The following CDH12 variants were observed in gnomAD, a reference collection of about 807,000 sequenced individuals.
CDH12 encodes the protein cadherin-12.
A neutral mutation model predicts 74.1 loss-of-function variants in CDH12; 41 were observed. The observed-to-expected ratio is 0.55, with a 90% CI of 0.43 to 0.72. CDH12 has a LOEUF of 0.72. Ranked by LOEUF, CDH12 falls within the 30% of genes least tolerant of loss-of-function variation. The pLI is 0.00. For missense variants in CDH12, 945 were observed against 977.2 expected, an observed-to-expected ratio of 0.97 and a Z score of 0.44; for synonymous variants, 399 against 355.0, an observed-to-expected ratio of 1.12 and a Z score of -1.39.
chr5:21,993,932 T>A (rs917703296), intron 5 of CDH12, among the ~76,000 whole-genome samples: 2 of 152,114 alleles, frequency 1.3e-5, no homozygotes, highest in Admixed American at 1.3e-4. Context: ...TAAAGAGAAT[T>A]TTTATTTCTC....
intron 1 of CDH12, among the ~76,000 whole-genome samples, chr5:22,558,219 G>C (rs538907236): frequency 6.6e-6 from 1 of 152,120 alleles, no homozygotes; most frequent in African/African-American, 2.4e-5. Flanking sequence ...TCTTGTATCA[G>C]AGGTAGAAGT....
chr5:21,761,352 G>A (rs529221949), intron 12 of CDH12, among the ~76,000 whole-genome samples: 1 of 152,168 alleles, frequency 6.6e-6, no homozygotes, highest in East Asian at 1.9e-4. Context: ...TAACTTCTGA[G>A]AATCAACCTG....
intron 4 of CDH12, among the ~76,000 whole-genome samples, chr5:22,111,956 A>C (rs1744839795): frequency 6.6e-6 from 1 of 152,146 alleles, no homozygotes; most frequent in South Asian, 2.1e-4. Flanking sequence ...AAGACATAAA[A>C]ATAATGTAAT....
chr5:22,495,656 A>G (rs1260791475), intron 2 of CDH12, among the ~76,000 whole-genome samples: 1 of 152,228 alleles, frequency 6.6e-6, no homozygotes, highest in East Asian at 1.9e-4. Context: ...CATTTAAGAC[A>G]TTTCATTAAA....
chr5:22,623,023 A>G (rs1310502315), intron 1 of CDH12, among the ~76,000 whole-genome samples: 1 of 152,222 alleles, frequency 6.6e-6, no homozygotes, highest in Non-Finnish European at 1.5e-5. Flanking sequence ...AACATACGCA[A>G]ATCAATAAAC....
intron 1 of CDH12, among the ~76,000 whole-genome samples, chr5:22,692,599 A>G (rs1399548617): frequency 6.6e-6 from 1 of 152,186 alleles, no homozygotes; most frequent in Non-Finnish European, 1.5e-5. Flanking sequence ...CTTGGGCTAC[A>G]AATGGGACTG....
At chr5:21,805,359 A>G (rs181880534) in intron 9 of CDH12, among the ~76,000 whole-genome samples, 2 of 152,296 alleles carry the variant, frequency 1.3e-5, no homozygotes, top group East Asian at 3.9e-4. Context: ...TGAAAGGAGA[A>G]TTTTGAAACC....
chr5:22,613,425 T>C (rs761783530), intron 1 of CDH12, among the ~76,000 whole-genome samples: 2 of 152,036 alleles, frequency 1.3e-5, no homozygotes, highest in Non-Finnish European at 2.9e-5. Context: ...AACTGTACAG[T>C]GGGCATACTC....
At chr5:22,434,994 A>T (rs1213695520) in intron 2 of CDH12, among the ~76,000 whole-genome samples, 3 of 152,086 alleles carry the variant, frequency 2.0e-5, no homozygotes, top group African/African-American at 4.8e-5. Context: ...GGCTGAACTA[A>T]CTTAGTGGGG....
intron 1 of CDH12, among the ~76,000 whole-genome samples, chr5:22,824,584 T>C (rs1042808633): frequency 6.6e-6 from 1 of 152,068 alleles, no homozygotes; most frequent in African/African-American, 2.4e-5. Flanking sequence ...TAAATGTGCA[T>C]GATAAATTAC....
chr5:22,613,932 C>T (rs1737552072), intron 1 of CDH12, among the ~76,000 whole-genome samples: 1 of 151,984 alleles, frequency 6.6e-6, no homozygotes, highest in Non-Finnish European at 1.5e-5. Context: ...ATTTCAATTA[C>T]AAAATGAATA....
chr5:22,836,223 C>CTTTTTTTTTTTTTTTTTTTCTTTTTTTT (rs61616737), intron 1 of CDH12, among the ~76,000 whole-genome samples: 1 of 65,506 alleles, frequency 1.5e-5, no homozygotes, highest in Non-Finnish European at 2.6e-5. Flanking sequence ...CTTTCTTTCT[C>CTTTTTTTTTTTTTTTTTTTCTTTTTTTT]TTTTTTTTTT....
At chr5:22,477,528 G>C (rs569466569) in intron 2 of CDH12, among the ~76,000 whole-genome samples, 2 of 152,168 alleles carry the variant, frequency 1.3e-5, no homozygotes, top group African/African-American at 4.8e-5. Context: ...TGCTATTGTG[G>C]ATAGTACTGC....
At chr5:22,585,480 C>T (rs1740339503) in intron 1 of CDH12, among the ~76,000 whole-genome samples, 1 of 152,110 alleles carries the variant, frequency 6.6e-6, no homozygotes, top group African/African-American at 2.4e-5. Context: ...ATTGTAAACA[C>T]TGCCTGTGCC....
intron 6 of CDH12, among the ~76,000 whole-genome samples, chr5:21,893,361 C>G (rs546031262): frequency 9.2e-5 from 14 of 152,160 alleles, no homozygotes; most frequent in African/African-American, 2.9e-4. Context: ...CAGGAGAGAA[C>G]AAAATGAAGT....
chr5:21,813,409 G>T (rs1229954415), intron 9 of CDH12, among the ~76,000 whole-genome samples: 1 of 152,136 alleles, frequency 6.6e-6, no homozygotes, highest in Non-Finnish European at 1.5e-5. Context: ...GAACCTGGGA[G>T]ACAGAGGTTG....
In CDH12 at chr5:22,711,787, T is replaced by A. The variant is rs368615523; in HGVS notation, c.-523+141271A>T. Among the ~76,000 whole-genome samples the A allele has an allele frequency of 1.8e-4, 27 of 152,218 alleles. No homozygotes were observed. The East Asian group carries it at 4.2e-3, about 24-fold the overall frequency. On this transcript the variant is annotated intron_variant, in intron 1 of 14. Coordinates refer to ENST00000382254, the MANE Select transcript of CDH12 (RefSeq NM_004061.5). ...AGAAATTAAGAGTTGATTGACTGAT[T>A]TTCAAAAAACACTTGAACTAAATGT...
At chr5:21,897,511 C>T (rs1753178923) in intron 6 of CDH12, among the ~76,000 whole-genome samples, 1 of 152,120 alleles carries the variant, frequency 6.6e-6, no homozygotes, top group Non-Finnish European at 1.5e-5. Context: ...TTAGCCTGTC[C>T]CATATTCTTC....
intron 4 of CDH12, among the ~76,000 whole-genome samples, chr5:22,194,069 G>C (rs1354180348): frequency 2.0e-5 from 3 of 152,052 alleles, no homozygotes; most frequent in Admixed American, 2.0e-4. Context: ...TGGAGTCTAG[G>C]GCTTTGTCTC....
Sources: allele counts gnomAD v4.1 joint callset (sites outside exome capture counted in the v4.1 genomes callset), GRCh38; gene constraint gnomAD v4.1.1; transcripts MANE v1.5; gene names NCBI Gene and HGNC (gene_info 2026-07-23, HGNC 2026-07-21).